Variants in PTRH2 observed in about 807,000 individuals in gnomAD.
PTRH2 encodes peptidyl-tRNA hydrolase 2, mitochondrial.
In PTRH2, 10 loss-of-function variants were observed where a neutral mutation model predicts 12.3. That is an observed-to-expected ratio of 0.81 (90% CI 0.50 to 1.38). The LOEUF is 1.38. PTRH2 is among the 40% of genes most tolerant of loss of function. The probability of loss-of-function intolerance (pLI) is 0.00; values close to 1 mark genes in which losing one functional copy is unlikely to be tolerated. For missense variants in PTRH2, 176 were observed against 214.1 expected, an observed-to-expected ratio of 0.82 and a Z score of 1.11; for synonymous variants, 73 against 77.4, an observed-to-expected ratio of 0.94 and a Z score of 0.30.
At position 59,698,073 on chromosome 17, in the gene PTRH2, G is replaced by T. The variant is rs931510812; in HGVS notation, c.1-95C>A. ...AAACATTTTGACTATACACTTAATG[G>T]TCATCCAGAAAAAAGGCAAAACACA... On this transcript the variant is annotated intron_variant, in intron 1 of 1. Coordinates refer to ENST00000393038, the MANE Select transcript of PTRH2 (RefSeq NM_016077.5). The T allele has an allele frequency of 1.4e-5, 19 of 1,317,434 alleles. 1 individual carries two copies. Among genetic ancestry groups the T allele is most frequent in the Admixed American group, 2.5e-5 (1 of 39,566 alleles). The allele number at this position is 1,317,434 out of a possible 1,614,324, so 81.6% of individuals were successfully genotyped here.
intron 1 of PTRH2, among the ~76,000 whole-genome samples, chr17:59,706,864 G>C (rs981713647): frequency 6.6e-6 from 1 of 151,776 alleles, no homozygotes; most frequent in African/African-American, 2.4e-5. Context: ...GTATAGATGG[G>C]TTTTCGCCAT....
rs138174545 is a variant in PTRH2, at chr17:59,698,021, A to C, written c.1-43T>G. On this transcript the variant is annotated intron_variant, in intron 1 of 1. Coordinates refer to ENST00000393038, the MANE Select transcript of PTRH2 (RefSeq NM_016077.5). ...CAGTTATCACTATCCGGCAGTAACA[A>C]CTTACAGAGGTATAGGCTTATCAGA... 1.9e-6 allele frequency: 3 copies of C among 1,572,970 alleles called. No individual in the cohort carries two copies. The African/African-American group carries it at 4.0e-5, about 21-fold the overall frequency.
At position 59,698,776 on chromosome 17, in the gene PTRH2, T is replaced by C. The variant is rs890575578; in HGVS notation, c.1-798A>G. On this transcript the variant is annotated intron_variant, in intron 1 of 1. Coordinates refer to ENST00000393038, the MANE Select transcript of PTRH2 (RefSeq NM_016077.5). The stretch of plus-strand genomic sequence containing the variant: ...ACATTAGCCTACAGTTGGACAAAAA[T>C]CATCTAACACGAGGCTCTTTTATAA... The C allele has an allele frequency of 1.2e-5, 8 of 669,232 alleles. No homozygotes were observed. The African/African-American group carries it at 1.3e-4, about 10-fold the overall frequency. 41.5% of individuals were successfully genotyped at this position (669,232 alleles called of 1,614,324 possible).
intron 1 of PTRH2, among the ~76,000 whole-genome samples, chr17:59,706,484 C>G (rs966563679): frequency 1.3e-5 from 2 of 152,016 alleles, no homozygotes; most frequent in African/African-American, 4.8e-5. Flanking sequence ...GCCACCGCGC[C>G]GGGTCTGCAG....
chr17:59,697,334 T>G lies in PTRH2; in HGVS notation c.*105A>C. 1 of 1,328,706 alleles carries G rather than the reference T, an allele frequency of 7.5e-7. No individual in the cohort carries two copies. The highest frequency in any genetic ancestry group is 1.0e-6 in the Non-Finnish European group (1 of 972,116). 82.3% of individuals were successfully genotyped at this position (1,328,706 alleles called of 1,614,324 possible). On this transcript the variant is annotated 3_prime_UTR_variant, in exon 2 of 2. Coordinates refer to ENST00000393038, the MANE Select transcript of PTRH2 (RefSeq NM_016077.5). The stretch of plus-strand genomic sequence containing the variant: ...AACATGGGAATAGGTTTTATTTTCA[T>G]CTCAAGAACATTTAAGTTGGGTGAA...
rs146920326 is a variant in PTRH2 at position 59,701,073 on chromosome 17, C to T, written c.1-3095G>A. The T allele has an allele frequency of 2.1e-3, 324 of 152,366 alleles. 3 individuals carry two copies. Among genetic ancestry groups the T allele is most frequent in the African/African-American group, 7.4e-3 (308 of 41,572 alleles). The allele number at this position is 152,366 out of a possible 1,614,324, so 9.4% of individuals were successfully genotyped here. ...GCCAAAAGACTAAAACTACTAATCA[C>T]TTCCTCCAGACATACAAACTAACCT... On this transcript the variant is annotated intron_variant, in intron 1 of 1. Coordinates refer to ENST00000393038, the MANE Select transcript of PTRH2 (RefSeq NM_016077.5).
At chr17:59,703,182 T>A (rs1396717919) in intron 1 of PTRH2, among the ~76,000 whole-genome samples, 1 of 151,388 alleles carries the variant, frequency 6.6e-6, no homozygotes, top group Non-Finnish European at 1.5e-5. Flanking sequence ...ACACTGCTAA[T>A]TTAAAAAAAA....
chr17:59,698,832 ATACTG>A (rs1283737757), intron 1 of PTRH2: 1 of 712,472 alleles, frequency 1.4e-6, no homozygotes, highest in South Asian at 1.5e-5. Context: ...AATTTATTGA[ATACTG>A]TAAGTGGAAA....
At chr17:59,699,299 GC>G (rs2033513258) in intron 1 of PTRH2, 1 of 171,354 alleles carries the variant, frequency 5.8e-6, no homozygotes, top group African/African-American at 2.4e-5. Flanking sequence ...CTGCCTCAAC[GC>G]CTTTACCTCT....
At chr17:59,698,870 C>A (rs1475230240) in intron 1 of PTRH2, 1 of 716,428 alleles carries the variant, frequency 1.4e-6, no homozygotes, top group African/African-American at 1.7e-5. Context: ...TGGGTACTCA[C>A]CATTAATTTA....
chr17:59,698,828 T>C (rs776108291), intron 1 of PTRH2: 1 of 711,440 alleles, frequency 1.4e-6, no homozygotes, highest in South Asian at 1.5e-5. Context: ...CTGTAATTTA[T>C]TGAATACTGT....
intron 1 of PTRH2, chr17:59,700,716 G>C (rs1479622298): frequency 6.6e-6 from 1 of 152,108 alleles, no homozygotes; most frequent in African/African-American, 2.4e-5. Context: ...ATATTTAAAT[G>C]TTAATAGGAT....
chr17:59,698,480 T>TA (rs1443630364), intron 1 of PTRH2: 1 of 222,084 alleles, frequency 4.5e-6, no homozygotes, highest in Admixed American at 5.2e-5. Context: ...GCAAGGATGC[T>TA]AAAAACCTTA....
At chr17:59,700,255 G>C (rs186721741) in intron 1 of PTRH2, 2 of 152,192 alleles carry the variant, frequency 1.3e-5, no homozygotes, top group Admixed American at 1.3e-4. Flanking sequence ...CGGCAAAGCT[G>C]TTCATAATAT....
At chr17:59,703,194 C>CTT (rs554526416) in intron 1 of PTRH2, among the ~76,000 whole-genome samples, 1 of 148,298 alleles carries the variant, frequency 6.7e-6, no homozygotes, top group Non-Finnish European at 1.5e-5. Flanking sequence ...TAAAAAAAAA[C>CTT]TTTTTTTTTT....
intron 1 of PTRH2, among the ~76,000 whole-genome samples, chr17:59,704,623 T>C (rs188854500): frequency 2.6e-5 from 4 of 152,096 alleles, no homozygotes; most frequent in Non-Finnish European, 4.4e-5. Context: ...GAGACTGACA[T>C]GGAGTGGCCA....
intron 1 of PTRH2, chr17:59,700,990 A>C (rs2033545778): frequency 6.6e-6 from 1 of 152,234 alleles, no homozygotes; most frequent in African/African-American, 2.4e-5. Flanking sequence ...GGTTAAGATT[A>C]ATGATGACTT....
intron 1 of PTRH2, chr17:59,700,704 G>A (rs2033540667): frequency 6.6e-6 from 1 of 152,060 alleles, no homozygotes; most frequent in Admixed American, 6.5e-5. Context: ...GAAAGGATAA[G>A]CATATTTAAA....
chr17:59,698,910 A>G (rs1356640121), intron 1 of PTRH2: 1 of 716,206 alleles, frequency 1.4e-6, no homozygotes, highest in Non-Finnish European at 2.6e-6. Flanking sequence ...GTCCTGAAAA[A>G]TGTTTGAAGC....
Sources: gnomAD v4.1 joint callset for allele counts (sites outside exome capture counted in the v4.1 genomes callset) on GRCh38, gnomAD v4.1.1 for gene constraint, MANE v1.5 for transcripts, NCBI Gene and HGNC (gene_info 2026-07-23, HGNC 2026-07-21) for gene names.